Variants in SLC12A3 observed in about 807,000 individuals in gnomAD.
SLC12A3 encodes Na-Cl cotransporter.
In SLC12A3, 104 loss-of-function variants were observed where a neutral mutation model predicts 121.0. The observed-to-expected ratio is 0.86, with a 90% CI of 0.73 to 1.01. The LOEUF (loss-of-function observed/expected upper bound fraction) is 1.01. Among genes scored for constraint, SLC12A3 ranks in the 50% least tolerant of loss-of-function variants. The pLI is 0.00. For synonymous variants in SLC12A3, 536 were observed against 533.4 expected, an observed-to-expected ratio of 1.00 and a Z score of -0.07; for missense variants, 1,328 against 1,356.3, an observed-to-expected ratio of 0.98 and a Z score of 0.33.
chr16:56,902,783 C>T (rs2055556960), intron 24 of SLC12A3, among the ~76,000 whole-genome samples: 1 of 152,116 alleles, frequency 6.6e-6, no homozygotes, highest in Admixed American at 6.5e-5. Flanking sequence ...TCCTCCTCCT[C>T]CTCCTCCACA....
chr16:56,900,330 G>C (rs115643249), intron 23 of SLC12A3, among the ~76,000 whole-genome samples: 1,567 of 152,186 alleles, frequency 0.01, 28 homozygotes, highest in African/African-American at 0.036. Context: ...GCTGCAGGCT[G>C]GTGAAAGCCA....
At chr16:56,909,310 A>AT (rs2055652028) in intron 25 of SLC12A3, among the ~76,000 whole-genome samples, 1 of 136,812 alleles carries the variant, frequency 7.3e-6, no homozygotes, top group Admixed American at 7.0e-5. Flanking sequence ...AGAAAAAAAA[A>AT]GAAAGCAAAA....
chr16:56,880,646 A>G lies in SLC12A3; in HGVS notation c.1567+393A>G, dbSNP rs34526342. Among the ~76,000 whole-genome samples the G allele has an allele frequency of 0.034, 5,153 of 152,260 alleles. 150 individuals are homozygous for G. The highest frequency in any genetic ancestry group is 0.079 in the African/African-American group (3,280 of 41,522). ...CTGACTGGTCTCTCCTTGGGATGGG[A>G]TACCAATGGCTGGTCAGTATCCTCA... On this transcript the variant is annotated intron_variant, in intron 12 of 25. Coordinates refer to ENST00000563236, the MANE Select transcript of SLC12A3 (RefSeq NM_001126108.2).
intron 24 of SLC12A3, 23 bp downstream of exon 24, chr16:56,902,531 G>GGGGGGGGGGGGGCC: frequency 4.2e-6 from 3 of 714,560 alleles, no homozygotes; most frequent in Non-Finnish European, 7.2e-6. Flanking sequence ...GTGGGGGTGG[G>GGGGGGGGGGGGGCC]AAACGCGACA....
At chr16:56,887,662 G>T (rs1415952012) in intron 17 of SLC12A3, among the ~76,000 whole-genome samples, 1 of 151,392 alleles carries the variant, frequency 6.6e-6, no homozygotes, top group African/African-American at 2.4e-5. Context: ...TAGGGTGTTG[G>T]TGACCAAGCG....
intron 22 of SLC12A3, among the ~76,000 whole-genome samples, chr16:56,897,091 C>CAAAA (rs55856347): frequency 1.4e-5 from 2 of 140,384 alleles, no homozygotes; most frequent in African/African-American, 5.2e-5. Context: ...GACTCCATCT[C>CAAAA]AAAAAAAAAA....
chr16:56,889,521 G>C (rs1050400581), intron 18 of SLC12A3, among the ~76,000 whole-genome samples: 1 of 152,012 alleles, frequency 6.6e-6, no homozygotes, highest in East Asian at 1.9e-4. Flanking sequence ...CTGTCGCCCC[G>C]GCTGGAGTGC....
intron 3 of SLC12A3, among the ~76,000 whole-genome samples, chr16:56,869,508 A>G (rs1596889760): frequency 6.6e-6 from 1 of 152,118 alleles, no homozygotes; most frequent in Non-Finnish European, 1.5e-5. Flanking sequence ...TTGTATTTTT[A>G]GTAGAGACGG....
chr16:56,890,374 C>T lies in SLC12A3; in HGVS notation c.2368+18C>T, dbSNP rs370563622. 6.2e-7 allele frequency: 1 copy of T among 1,607,236 alleles called. No individual in the cohort carries two copies. The highest frequency in any genetic ancestry group is 1.1e-5 in the South Asian group (1 of 90,950). The stretch of plus-strand genomic sequence containing the variant: ...GGCGCACAGTGAGTACATGCCCCAC[C>T]CACTCCCAGAAAGTTCTAGAACACA... On this transcript the variant is annotated intron_variant, in intron 19 of 25. Coordinates refer to ENST00000563236, the MANE Select transcript of SLC12A3 (RefSeq NM_001126108.2).
In SLC12A3 at chr16:56,879,612, C is replaced by A. The variant is rs139743444; in HGVS notation, c.1406C>A (p.Ala469Asp). Residue 469 changes from alanine to aspartate, a missense_variant, in exon 11 of 26, where the codon GCC (alanine) becomes GAC (aspartate). Coordinates refer to ENST00000563236, the MANE Select transcript of SLC12A3 (RefSeq NM_001126108.2). Reference sequence around the variant, plus strand: ...ATCTTCGGGGCCACCCTCTCCTCTGCCCTGGCCTGCCTTGTCTCTGCTGCC... The same window carrying A: ...ATCTTCGGGGCCACCCTCTCCTCTGACCTGGCCTGCCTTGTCTCTGCTGCC... ...AGIFGATLSS[A>D]LACLVSAAKV... The A allele has an allele frequency of 6.2e-7, 1 of 1,613,648 alleles. No homozygotes were observed. The highest frequency in any genetic ancestry group is 1.6e-4 in the Middle Eastern group (1 of 6,062).
chr16:56,878,293 G>T, intron 9 of SLC12A3, 132 bp downstream of exon 9: 1 of 719,952 alleles, frequency 1.4e-6, no homozygotes, highest in Non-Finnish European at 2.4e-6. Flanking sequence ...AGCTGGGCTG[G>T]GAGGGTGTGG....
At chr16:56,895,659 T>C (rs959543436) in intron 22 of SLC12A3, among the ~76,000 whole-genome samples, 3 of 152,106 alleles carry the variant, frequency 2.0e-5, no homozygotes, top group Non-Finnish European at 4.4e-5. Flanking sequence ...CACCAGGGAC[T>C]GGTTTCGTGG....
chr16:56,885,649 G>A (rs989903999), intron 15 of SLC12A3, among the ~76,000 whole-genome samples: 3 of 152,288 alleles, frequency 2.0e-5, no homozygotes, highest in South Asian at 2.1e-4. Context: ...TCCCATCACA[G>A]TATCGCCGGA....
In SLC12A3 at chr16:56,865,505, C is replaced by T. The variant is rs2144678597; in HGVS notation, c.270C>T (p.His90=). The change falls in exon 1 of 26, where the codon CAC becomes CAT. Residue 90 remains histidine (H), a synonymous_variant. Transcript: ENST00000563236. Reference sequence around the variant, plus strand: ...TCCGGCCCACACTGGCTGACCTGCACTCCTTCCTCAAGGTAAGTGCTGTCT... The same window carrying T: ...TCCGGCCCACACTGGCTGACCTGCATTCCTTCCTCAAGGTAAGTGCTGTCT... The part of the protein sequence containing the change: ...RKVRPTLADL[H]SFLKQEGRHL... 2 of 1,612,690 alleles carry T rather than the reference C, an allele frequency of 1.2e-6. No homozygotes were observed. Among genetic ancestry groups the T allele is most frequent in the South Asian group, 1.1e-5 (1 of 91,088 alleles).
intron 22 of SLC12A3, among the ~76,000 whole-genome samples, chr16:56,897,423 G>A (rs1056906299): frequency 1.3e-5 from 2 of 152,168 alleles, no homozygotes; most frequent in African/African-American, 2.4e-5. Flanking sequence ...TACACCACCC[G>A]GTCCTATGCC....
Position 56,914,965 on chromosome 16 carries a change from T to C in SLC12A3, c.*1560T>C, listed in dbSNP as rs549830332. On this transcript the variant is annotated 3_prime_UTR_variant, in exon 26 of 26. Coordinates refer to ENST00000563236, the MANE Select transcript of SLC12A3 (RefSeq NM_001126108.2). ...GCTGGCAGGGAGGGGCTGTTAAGAG[T>C]GGGGTTGGAGGTGGGAGAGAAGCTA... 6.8e-6 allele frequency: 1 copy of C among 148,112 alleles called. No homozygotes were observed. Among genetic ancestry groups the C allele is most frequent in the Admixed American group, 6.7e-5 (1 of 14,890 alleles). The allele number at this position is 148,112 out of a possible 1,614,324, so 9.2% of individuals were successfully genotyped here.
chr16:56,881,077 G>A (rs536940200), intron 12 of SLC12A3, among the ~76,000 whole-genome samples: 8 of 152,234 alleles, frequency 5.3e-5, no homozygotes, highest in South Asian at 4.1e-4. Context: ...CACCAAGCAC[G>A]GGCAGTGGCC....
rs1258489825 is a variant in SLC12A3, at chr16:56,885,278, C to T, written c.1839C>T (p.Gly613=). The change falls in exon 15 of 26, where the codon GGC becomes GGT. Residue 613 remains glycine (G), a synonymous_variant. Coordinates refer to ENST00000563236, the MANE Select transcript of SLC12A3 (RefSeq NM_001126108.2). ...VIYKKPEVNW[G]SSVQAGSYNL... ...TTGCTCTCCCAGAGGTAAATTGGGG[C>T]TCCTCGGTACAGGCTGGCTCCTACA... 6.4e-7 allele frequency: 1 copy of T among 1,552,564 alleles called. No homozygotes were observed. The highest frequency in any genetic ancestry group is 1.2e-5 in the South Asian group (1 of 84,080).
In SLC12A3 at chr16:56,878,166, G is replaced by A; in HGVS notation, c.1180+5G>A. ...TGGCCATCTCAGCCACCATTGGTAAGTGGCCGGCCCAGCCAGTCAGGAGGG... is the reference window on the plus strand; with the variant it reads ...TGGCCATCTCAGCCACCATTGGTAAATGGCCGGCCCAGCCAGTCAGGAGGG... On this transcript the variant is annotated splice_donor_5th_base_variant and intron_variant, in intron 9 of 25. Coordinates refer to ENST00000563236, the MANE Select transcript of SLC12A3 (RefSeq NM_001126108.2). 1 of 1,609,550 alleles carries A rather than the reference G, an allele frequency of 6.2e-7. No individual in the cohort carries two copies. Among genetic ancestry groups the A allele is most frequent in the Non-Finnish European group, 8.5e-7 (1 of 1,177,994 alleles).
Sources: gnomAD v4.1 joint callset for allele counts (sites outside exome capture counted in the v4.1 genomes callset) on GRCh38, gnomAD v4.1.1 for gene constraint, MANE v1.5 for transcripts, NCBI Gene and HGNC (gene_info 2026-07-23, HGNC 2026-07-21) for gene names.